The following NEK1 variants were observed in gnomAD, a reference collection of about 807,000 sequenced individuals.
NEK1 encodes NIMA related kinase 1, also known as serine/threonine-protein kinase Nek1.
Under a neutral mutation model 182.1 loss-of-function variants are expected in NEK1, and 137 were observed. The observed-to-expected ratio is 0.75, with a 90% CI of 0.65 to 0.87. The LOEUF is 0.87. Among genes scored for constraint, NEK1 ranks in the 40% least tolerant of loss-of-function variants. The probability of loss-of-function intolerance (pLI) is 0.00; values close to 1 mark genes in which losing one functional copy is unlikely to be tolerated. For synonymous variants in NEK1, 513 were observed against 492.2 expected (o/e 1.04, Z -0.56); for missense variants, 1,391 against 1,494.4 (o/e 0.93, Z 1.14).
rs1356054670 is a variant in NEK1, at chr4:169,477,115, TATAC to T, written c.2434+5_2434+8del. ...CCTAAATAGGATATTAATATACTAC[TATAC>T]ATACTTTCAGTTGTAGAGAAGGATG... On this transcript the variant is annotated splice_donor_5th_base_variant and intron_variant, in intron 26 of 35. Transcript: ENST00000507142. 4 of 1,553,008 alleles carry T rather than the reference TATAC, an allele frequency of 2.6e-6. No individual in the cohort carries two copies. Among genetic ancestry groups the T allele is most frequent in the Non-Finnish European group, 3.5e-6 (4 of 1,138,174 alleles).
At chr4:169,493,502 C>T (rs1375669678) in intron 23 of NEK1, among the ~76,000 whole-genome samples, 1 of 152,074 alleles carries the variant, frequency 6.6e-6, no homozygotes, top group Non-Finnish European at 1.5e-5. Flanking sequence ...AAGGAAACTC[C>T]ACAAGATCTG....
intron 12 of NEK1, among the ~76,000 whole-genome samples, chr4:169,564,840 A>G (rs796233720): frequency 3.6e-4 from 55 of 152,286 alleles, no homozygotes; most frequent in African/African-American, 1.3e-3. Flanking sequence ...GTCTTTTGTA[A>G]TGTGCTTTGG....
At chr4:169,532,063 T>C (rs1757758993) in intron 19 of NEK1, among the ~76,000 whole-genome samples, 1 of 152,116 alleles carries the variant, frequency 6.6e-6, no homozygotes, top group African/African-American at 2.4e-5. Flanking sequence ...TAACAGGAAA[T>C]AGATCAGTGG....
chr4:169,492,466 C>T (rs1180339916), intron 23 of NEK1, among the ~76,000 whole-genome samples: 1 of 151,908 alleles, frequency 6.6e-6, no homozygotes, highest in East Asian at 1.9e-4. Flanking sequence ...GCTCCCCTCA[C>T]CCCTCTGACA....
chr4:169,567,453 T>C (rs1250926802), intron 12 of NEK1, among the ~76,000 whole-genome samples: 1 of 151,286 alleles, frequency 6.6e-6, no homozygotes, highest in African/African-American at 2.4e-5. Context: ...TGGGCTGGAG[T>C]GTAATGGCAC....
intron 26 of NEK1, among the ~76,000 whole-genome samples, chr4:169,465,529 C>T (rs542152682): frequency 6.6e-6 from 1 of 152,032 alleles, no homozygotes; most frequent in Non-Finnish European, 1.5e-5. Flanking sequence ...TACTTGAGTA[C>T]TGATCAGCAT....
intron 27 of NEK1, among the ~76,000 whole-genome samples, chr4:169,460,820 T>G (rs566560183): frequency 3.9e-5 from 6 of 152,140 alleles, no homozygotes; most frequent in Non-Finnish European, 8.8e-5. Flanking sequence ...GAAAAAAAAG[T>G]AAGCCAAGGA....
At chr4:169,602,298 G>A (rs570202483) in intron 3 of NEK1, among the ~76,000 whole-genome samples, 194 bp from the exon 4 acceptor site, 1 of 152,122 alleles carries the variant, frequency 6.6e-6, no homozygotes, top group Admixed American at 6.5e-5. Context: ...TTAGGTTACA[G>A]AACAGCAAGT....
intron 12 of NEK1, among the ~76,000 whole-genome samples, chr4:169,569,553 A>G (rs972563833): frequency 3.3e-5 from 5 of 149,356 alleles, no homozygotes; most frequent in African/African-American, 1.2e-4. Flanking sequence ...CCGAAGCTGG[A>G]CTGTACTGCT....
chr4:169,494,369 T>C (rs1440836186), intron 23 of NEK1, among the ~76,000 whole-genome samples: 4 of 152,178 alleles, frequency 2.6e-5, no homozygotes, highest in East Asian at 1.9e-4. Context: ...GTCCTTGTGA[T>C]AGTTTGCTGA....
intron 23 of NEK1, among the ~76,000 whole-genome samples, chr4:169,481,273 A>G (rs1453435937): frequency 6.6e-6 from 1 of 152,214 alleles, no homozygotes; most frequent in Non-Finnish European, 1.5e-5. Flanking sequence ...TGACATTAAC[A>G]TTAACATGAC....
chr4:169,570,197 G>C (rs1420827464), intron 12 of NEK1, among the ~76,000 whole-genome samples: 4 of 144,928 alleles, frequency 2.8e-5, no homozygotes, highest in African/African-American at 1.0e-4. Flanking sequence ...CCGTCTGGGA[G>C]GTGAGGAGCG....
intron 20 of NEK1, 120 bp downstream of exon 20, chr4:169,508,649 G>T: frequency 1.5e-6 from 1 of 681,272 alleles, no homozygotes; most frequent in Non-Finnish European, 2.3e-6. Context: ...ATATTAACAG[G>T]TCCCTACAGA....
At chr4:169,584,311 C>T (rs1460773118) in intron 10 of NEK1, among the ~76,000 whole-genome samples, 4 of 152,020 alleles carry the variant, frequency 2.6e-5, no homozygotes, top group Non-Finnish European at 4.4e-5. Context: ...ATATAAATTA[C>T]GTTAATAACA....
intron 28 of NEK1, among the ~76,000 whole-genome samples, chr4:169,435,753 G>A (rs1259325869): frequency 2.0e-5 from 3 of 152,106 alleles, no homozygotes; most frequent in Admixed American, 6.6e-5. Flanking sequence ...AATAAGCCCT[G>A]CCAATATGCC....
chr4:169,545,446 A>G (rs1760255774), intron 18 of NEK1, among the ~76,000 whole-genome samples: 1 of 150,048 alleles, frequency 6.7e-6, no homozygotes, highest in Non-Finnish European at 1.5e-5. Flanking sequence ...AATCCAGTCT[A>G]TCATTGTTGG....
chr4:169,472,469 T>G (rs1746183619), intron 26 of NEK1, among the ~76,000 whole-genome samples: 1 of 152,200 alleles, frequency 6.6e-6, no homozygotes, highest in Non-Finnish European at 1.5e-5. Flanking sequence ...CTGCACCCAC[T>G]GTCTAACCAG....
chr4:169,548,855 G>C (rs1455071466), intron 18 of NEK1, among the ~76,000 whole-genome samples: 1 of 152,250 alleles, frequency 6.6e-6, no homozygotes, highest in East Asian at 1.9e-4. Context: ...AGTTCAGACT[G>C]CTGTGCCGGC....
At chr4:169,544,056 T>G (rs1387536467) in intron 18 of NEK1, among the ~76,000 whole-genome samples, 7 of 152,204 alleles carry the variant, frequency 4.6e-5, no homozygotes, top group Non-Finnish European at 1.0e-4. Context: ...ATCCTTGTCT[T>G]GTGCTGGTTT....
Sources: allele counts gnomAD v4.1 joint callset (sites outside exome capture counted in the v4.1 genomes callset), GRCh38; gene constraint gnomAD v4.1.1; transcripts MANE v1.5; gene names NCBI Gene and HGNC (gene_info 2026-07-23, HGNC 2026-07-21).